FAR2: variants seen among roughly 807,000 people sequenced by gnomAD.
FAR2 encodes fatty acyl-CoA reductase 2, also known as epididymis secretory protein Li 81.
Under a neutral mutation model 56.0 loss-of-function variants are expected in FAR2, and 19 were observed. That is an observed-to-expected ratio of 0.34 (90% CI 0.24 to 0.50). The LOEUF (loss-of-function observed/expected upper bound fraction) is 0.50, where lower values mean the gene tolerates loss of function less well. Among genes scored for constraint, FAR2 ranks in the 20% least tolerant of loss-of-function variants. The pLI is 0.98. For missense variants in FAR2, 508 were observed against 642.2 expected (o/e 0.79, Z 2.26); for synonymous variants, 219 against 218.8 (o/e 1.00, Z -0.01).
chr12:29,306,109 C>G (rs1175356428), intron 4 of FAR2, among the ~76,000 whole-genome samples: 1 of 151,910 alleles, frequency 6.6e-6, no homozygotes, highest in Non-Finnish European at 1.5e-5. Flanking sequence ...TGTTGACCCA[C>G]CAAATGAAAT....
intron 2 of FAR2, among the ~76,000 whole-genome samples, chr12:29,291,043 C>A (rs957168313): frequency 2.4e-4 from 37 of 152,014 alleles, no homozygotes; most frequent in African/African-American, 8.7e-4. Flanking sequence ...GGATAGATAC[C>A]CCTTCTCCAT....
chr12:29,282,242 T>C (rs756475134), intron 2 of FAR2: 1 of 152,222 alleles, frequency 6.6e-6, no homozygotes, highest in Non-Finnish European at 1.5e-5. Flanking sequence ...TTTGGATTTA[T>C]CTTTAACACT....
chr12:29,192,862 A>C (rs1197852854), intron 1 of FAR2, among the ~76,000 whole-genome samples: 1 of 151,450 alleles, frequency 6.6e-6, no homozygotes, highest in African/African-American at 2.5e-5. Flanking sequence ...AGGGAAATGG[A>C]AAGCAAGAGA....
chr12:29,175,073 C>T (rs1221612550), intron 1 of FAR2, among the ~76,000 whole-genome samples: 1 of 152,190 alleles, frequency 6.6e-6, no homozygotes, highest in African/African-American at 2.4e-5. Flanking sequence ...AGTCTGGCAG[C>T]TGCACTAGTC....
At chr12:29,296,926 C>G (rs1352653884) in intron 3 of FAR2, 95 bp from the exon 4 acceptor site, 1 of 1,211,196 alleles carries the variant, frequency 8.3e-7, no homozygotes, top group Non-Finnish European at 1.1e-6. Flanking sequence ...CCACCAAAAT[C>G]TGATAGGTAT....
At position 29,316,818 on chromosome 12, in the gene FAR2, CACTT is replaced by C. The variant is rs1359335361; in HGVS notation, c.956-18_956-15del. ...CTTATATTCTCCTTTTCTCCTCTAG[CACTT>C]ACTTTCTTTTTTCCCCAGGAGTCCA... On this transcript the variant is annotated intron_variant, in intron 8 of 11. Transcript: ENST00000536681. The C allele has an allele frequency of 1.9e-6, 3 of 1,612,392 alleles. No individual in the cohort carries two copies. The highest frequency in any genetic ancestry group is 2.2e-5 in the East Asian group (1 of 44,878).
chr12:29,240,024 A>G (rs2136662578), intron 1 of FAR2, among the ~76,000 whole-genome samples: 1 of 152,258 alleles, frequency 6.6e-6, no homozygotes, highest in South Asian at 2.1e-4. Flanking sequence ...CTGCTGCCCC[A>G]ATTTTCTAGC....
At chr12:29,157,405 T>A (rs1207793818) in intron 1 of FAR2, among the ~76,000 whole-genome samples, 1 of 151,922 alleles carries the variant, frequency 6.6e-6, no homozygotes, top group Non-Finnish European at 1.5e-5. Flanking sequence ...CATTTTAACT[T>A]CCCAGGCTTC....
At position 29,203,361 on chromosome 12, in the gene FAR2, A is replaced by G. The variant is rs564191804; in HGVS notation, c.-39+53954A>G. Among the ~76,000 whole-genome samples, 14 of 152,310 alleles carry G rather than the reference A, an allele frequency of 9.2e-5. 1 individual carries two copies. The South Asian group carries it at 2.7e-3, about 29-fold the overall frequency. On this transcript the variant is annotated intron_variant, in intron 1 of 11. Transcript: ENST00000536681. ...TGCAGGAAAGCGATTTATGCTGCAC[A>G]CCTACCCTCCTTTGCAAAGAAGTAT...
intron 2 of FAR2, among the ~76,000 whole-genome samples, chr12:29,291,801 G>T (rs761242459): frequency 6.6e-6 from 1 of 152,168 alleles, no homozygotes; most frequent in Non-Finnish European, 1.5e-5. Flanking sequence ...AGCTATAGGG[G>T]TATGGTGAGA....
chr12:29,259,646 ACTCT>A (rs1292672427), intron 1 of FAR2, among the ~76,000 whole-genome samples: 1 of 152,132 alleles, frequency 6.6e-6, no homozygotes, highest in African/African-American at 2.4e-5. Flanking sequence ...AGGAGACAAA[ACTCT>A]CTCTATTCAT....
chr12:29,326,046 G>A (rs868311699), intron 10 of FAR2, among the ~76,000 whole-genome samples: 21 of 151,846 alleles, frequency 1.4e-4, no homozygotes, highest in Non-Finnish European at 2.4e-4. Context: ...TCAAATAGAC[G>A]CAATAAAAAA....
intron 1 of FAR2, among the ~76,000 whole-genome samples, chr12:29,185,984 CAG>C (rs1950036654): frequency 6.6e-6 from 1 of 152,138 alleles, no homozygotes; most frequent in Non-Finnish European, 1.5e-5. Flanking sequence ...ATATTTCAGA[CAG>C]TGCTATTAAA....
intron 1 of FAR2, chr12:29,156,644 C>A (rs1366355889): frequency 6.6e-6 from 1 of 152,074 alleles, no homozygotes; most frequent in Non-Finnish European, 1.5e-5. Flanking sequence ...TGAAGCCAAT[C>A]TTTTTTTATT....
chr12:29,184,629 G>A (rs1044491322), intron 1 of FAR2, among the ~76,000 whole-genome samples: 1 of 151,570 alleles, frequency 6.6e-6, no homozygotes, highest in African/African-American at 2.4e-5. Context: ...TAGAGACAGG[G>A]TTTCACCATG....
rs1043065278 is a variant in FAR2, at chr12:29,247,862, G to A, written c.-38-22550G>A. 7.2e-5 allele frequency among the ~76,000 whole-genome samples: 11 copies of A among 152,266 alleles called. No homozygotes were observed. In the East Asian group the frequency reaches 1.9e-3, roughly 27 times the overall value. On this transcript the variant is annotated intron_variant, in intron 1 of 11. Transcript: ENST00000536681. ...CAATAAGTTTATTAATCGTTGGTAT[G>A]CTATTCTATTATCTGTGCATGCATT...
At chr12:29,164,878 C>G (rs969621079) in intron 1 of FAR2, among the ~76,000 whole-genome samples, 2 of 152,150 alleles carry the variant, frequency 1.3e-5, no homozygotes, top group African/African-American at 4.8e-5. Context: ...GACACAGTAG[C>G]AAGCTGGACA....
At chr12:29,297,608 G>A (rs1949092733) in intron 4 of FAR2, among the ~76,000 whole-genome samples, 1 of 152,200 alleles carries the variant, frequency 6.6e-6, no homozygotes, top group East Asian at 1.9e-4. Context: ...GTGTGACTGA[G>A]CAAATTCCTT....
intron 10 of FAR2, among the ~76,000 whole-genome samples, chr12:29,322,212 TATC>T (rs1405689212): frequency 2.0e-5 from 3 of 152,354 alleles, no homozygotes; most frequent in African/African-American, 7.2e-5. Context: ...CCTTGATAGT[TATC>T]ATTTCTACAA....
Sources: allele counts gnomAD v4.1 joint callset (sites outside exome capture counted in the v4.1 genomes callset), GRCh38; gene constraint gnomAD v4.1.1; transcripts MANE v1.5; gene names NCBI Gene and HGNC (gene_info 2026-07-23, HGNC 2026-07-21).